ACSBG2: variants seen among roughly 807,000 people sequenced by gnomAD.
ACSBG2 encodes acyl-CoA synthetase bubblegum family member 2.
ACSBG2 carries 62 observed loss-of-function variants against 74.7 expected under a neutral mutation model. The observed-to-expected ratio is 0.83, with a 90% CI of 0.68 to 1.03. ACSBG2 has a LOEUF of 1.03. ACSBG2 is among the 50% of genes least tolerant of loss of function. The pLI is 0.00. For synonymous variants in ACSBG2, 309 were observed against 294.1 expected (o/e 1.05, Z -0.52); for missense variants, 730 against 817.6 (o/e 0.89, Z 1.31).
At chr19:6,188,878 G>A (rs980185866) in intron 13 of ACSBG2, among the ~76,000 whole-genome samples, 9 of 152,100 alleles carry the variant, frequency 5.9e-5, no homozygotes, top group Admixed American at 4.6e-4. Context: ...CAGATCAGTG[G>A]GCATCAGTAG....
At chr19:6,187,237 C>G in intron 11 of ACSBG2, 46 bp from the exon 12 acceptor site, 1 of 1,610,642 alleles carries the variant, frequency 6.2e-7, no homozygotes, top group Non-Finnish European at 8.5e-7. Flanking sequence ...ACTGGGGGTT[C>G]CACGTTGTCA....
chr19:6,185,205 G>T (rs1310181008), intron 10 of ACSBG2, among the ~76,000 whole-genome samples: 1 of 152,118 alleles, frequency 6.6e-6, no homozygotes, highest in Non-Finnish European at 1.5e-5. Flanking sequence ...AAGATTACAG[G>T]TGTGAGCCAC....
intron 6 of ACSBG2, among the ~76,000 whole-genome samples, chr19:6,163,519 T>A (rs2089695261): frequency 6.7e-6 from 1 of 149,468 alleles, no homozygotes; most frequent in Non-Finnish European, 1.5e-5. Flanking sequence ...GGTGGGTGGA[T>A]AACCTGAGGT....
At chr19:6,176,495 A>AACAC (rs146521003) in intron 7 of ACSBG2, 6 of 948,736 alleles carry the variant, frequency 6.3e-6, no homozygotes, top group African/African-American at 1.8e-5. Flanking sequence ...ATGAAAAAAC[A>AACAC]ACACACACAC....
chr19:6,162,332 C>A (rs1014115754), intron 6 of ACSBG2, among the ~76,000 whole-genome samples: 1 of 150,198 alleles, frequency 6.7e-6, no homozygotes, highest in African/African-American at 2.5e-5. Context: ...TTTGGGAGGC[C>A]GAGGCAGGCG....
At chr19:6,138,551 GAGGA>G (rs555523444) in intron 1 of ACSBG2, among the ~76,000 whole-genome samples, 4 of 104,876 alleles carry the variant, frequency 3.8e-5, no homozygotes, top group Non-Finnish European at 7.5e-5. Context: ...GGGAGGGAGG[GAGGA>G]AGGAAGGAAA....
intron 1 of ACSBG2, among the ~76,000 whole-genome samples, chr19:6,138,679 G>A: frequency 7.2e-5 from 7 of 96,882 alleles, no homozygotes. Flanking sequence ...CAGGGACGGA[G>A]GGAGGAAGGA....
intron 7 of ACSBG2, among the ~76,000 whole-genome samples, chr19:6,166,649 TTTTGC>T (rs1306935257): frequency 2.6e-5 from 4 of 151,430 alleles, no homozygotes; most frequent in African/African-American, 9.7e-5. Context: ...TTTTGTTTTG[TTTTGC>T]TTTTTGAGAC....
At chr19:6,181,242 G>GAAAAA (rs1568249979) in intron 8 of ACSBG2, among the ~76,000 whole-genome samples, 93 of 115,866 alleles carry the variant, frequency 8.0e-4, no homozygotes, top group African/African-American at 3.1e-3. Flanking sequence ...AAAAAAAAAG[G>GAAAAA]AAAGGAAAGG....
In ACSBG2 at chr19:6,193,069, T is replaced by G. The variant is rs1277544125; in HGVS notation, c.*437T>G. 1.3e-5 allele frequency: 2 copies of G among 152,332 alleles called. No homozygotes were observed. The highest frequency in any genetic ancestry group is 3.9e-4 in the East Asian group (2 of 5,188). The allele number at this position is 152,332 out of a possible 1,614,324, so 9.4% of individuals were successfully genotyped here. ...ACTGGGAAACCCTTCCAATAAGTCC[T>G]GATAATAAAGCACTTCAGGGTCCCA... is the stretch of plus-strand genomic sequence containing the variant. On this transcript the variant is annotated 3_prime_UTR_variant, in exon 15 of 15. Coordinates refer to ENST00000588485, the MANE Select transcript of ACSBG2 (RefSeq NM_030924.5).
chr19:6,187,600 G>T lies in ACSBG2; in HGVS notation c.1682G>T (p.Cys561Phe). Residue 561 changes from cysteine to phenylalanine, a missense_variant and splice_region_variant, in exon 13 of 15, where the codon TGT (cysteine) becomes TTT (phenylalanine). Coordinates refer to ENST00000588485, the MANE Select transcript of ACSBG2 (RefSeq NM_030924.5). ...GGTGACAGAGGTGTCTGGGGGCAGT[G>T]TGAGATGAATCAGATGAGCGGAGAA... ...KFLSMLLTLK[C>F]EMNQMSGEPL... 6.2e-7 allele frequency: 1 copy of T among 1,614,134 alleles called. No homozygotes were observed. Among genetic ancestry groups the T allele is most frequent in the Non-Finnish European group, 8.5e-7 (1 of 1,180,026 alleles).
chr19:6,172,301 T>A (rs2089985263), intron 7 of ACSBG2, among the ~76,000 whole-genome samples: 2 of 152,230 alleles, frequency 1.3e-5, no homozygotes, highest in African/African-American at 4.8e-5. Flanking sequence ...TTCCTTCTTA[T>A]CTGAGGGAGC....
At chr19:6,155,473 T>C (rs2089386276) in intron 4 of ACSBG2, among the ~76,000 whole-genome samples, 1 of 151,996 alleles carries the variant, frequency 6.6e-6, no homozygotes, top group African/African-American at 2.4e-5. Context: ...ATTAAAAACT[T>C]CTGCTTATTA....
chr19:6,137,650 T>G (rs373496158), intron 1 of ACSBG2, among the ~76,000 whole-genome samples: 5 of 152,080 alleles, frequency 3.3e-5, no homozygotes, highest in South Asian at 2.1e-4. Flanking sequence ...ATGTATTTAT[T>G]TATTTATTTA....
chr19:6,178,373 C>CATTATT (rs112104021), intron 8 of ACSBG2, among the ~76,000 whole-genome samples: 33 of 151,026 alleles, frequency 2.2e-4, no homozygotes, highest in South Asian at 1.0e-3. Context: ...ATATTCATTG[C>CATTATT]ATTATTATTA....
At position 6,175,059 on chromosome 19, in the gene ACSBG2, G is replaced by C. The variant is rs143919458; in HGVS notation, c.739-2170G>C. 9.9e-5 allele frequency among the ~76,000 whole-genome samples: 15 copies of C among 152,282 alleles called. No homozygotes were observed. The East Asian group carries it at 2.9e-3, about 29-fold the overall frequency. On this transcript the variant is annotated intron_variant, in intron 7 of 14. Transcript: ENST00000588485. Reference sequence around the variant, plus strand: ...CAAGGGAAGCTCTGAACTGAGATCTGAACCAGGAGTGTCTAAACCATTGTA... The same window carrying C: ...CAAGGGAAGCTCTGAACTGAGATCTCAACCAGGAGTGTCTAAACCATTGTA...
chr19:6,158,228 T>G (rs2089489174), intron 5 of ACSBG2, among the ~76,000 whole-genome samples: 1 of 151,934 alleles, frequency 6.6e-6, no homozygotes, highest in Non-Finnish European at 1.5e-5. Flanking sequence ...GCTAATTTTT[T>G]GTATTTTTTT....
At chr19:6,182,417 C>T (rs1303644952) in intron 8 of ACSBG2, among the ~76,000 whole-genome samples, 1 of 152,168 alleles carries the variant, frequency 6.6e-6, no homozygotes, top group African/African-American at 2.4e-5. Context: ...ACGTCTTGAA[C>T]GTGTTTCTTT....
chr19:6,177,310 A>G lies in ACSBG2; in HGVS notation c.820A>G (p.Ser274Gly). 6.2e-7 allele frequency: 1 copy of G among 1,614,066 alleles called. No homozygotes were observed. The highest frequency in any genetic ancestry group is 8.5e-7 in the Non-Finnish European group (1 of 1,180,022). Residue 274 changes from serine to glycine, a missense_variant, in exon 8 of 15, where the codon AGC becomes GGC. By Grantham distance (56) the Ser-to-Gly change is moderately conservative. Transcript: ENST00000588485. ...HETVVSYLPL[S>G]HIAAQMMDIW... Reference sequence around the variant, plus strand: ...GACGGTGGTTAGCTACCTCCCACTCAGCCATATTGCAGCACAGATGATGGA... The same window carrying G: ...GACGGTGGTTAGCTACCTCCCACTCGGCCATATTGCAGCACAGATGATGGA...
Sources: allele counts gnomAD v4.1 joint callset (sites outside exome capture counted in the v4.1 genomes callset), GRCh38; gene constraint gnomAD v4.1.1; transcripts MANE v1.5; gene names NCBI Gene and HGNC (gene_info 2026-07-23, HGNC 2026-07-21).